The following MDGA2 variants were observed in gnomAD, a reference collection of about 807,000 sequenced individuals.
MDGA2 encodes the protein MAM domain containing glycosylphosphatidylinositol anchor 2, also known as MAM domain-containing glycosylphosphatidylinositol anchor protein 2.
MDGA2 carries 40 observed loss-of-function variants against 117.8 expected under a neutral mutation model. That is an observed-to-expected ratio of 0.34 (90% CI 0.26 to 0.44). The LOEUF (loss-of-function observed/expected upper bound fraction) is 0.44, where lower values mean the gene tolerates loss of function less well. Ranked by LOEUF, MDGA2 falls within the 20% of genes least tolerant of loss-of-function variation. The probability of loss-of-function intolerance (pLI) is 1.00; values close to 1 mark genes in which losing one functional copy is unlikely to be tolerated. For synonymous variants in MDGA2, 452 were observed against 439.0 expected (o/e 1.03, Z -0.37); for missense variants, 1,123 against 1,250.6 (o/e 0.90, Z 1.54).
chr14:47,604,678 A>G (rs1039082592), intron 1 of MDGA2, among the ~76,000 whole-genome samples: 3 of 151,958 alleles, frequency 2.0e-5, no homozygotes, highest in Non-Finnish European at 4.4e-5. Flanking sequence ...AAAGGACCAC[A>G]TATTCTTTGC....
chr14:47,052,738 T>C (rs756006170), intron 7 of MDGA2, among the ~76,000 whole-genome samples: 2 of 151,938 alleles, frequency 1.3e-5, no homozygotes, highest in Non-Finnish European at 2.9e-5. Flanking sequence ...ATTCATATAA[T>C]TGTCACCTTC....
At chr14:47,608,522 T>G (rs147626503) in intron 1 of MDGA2, among the ~76,000 whole-genome samples, 1 of 151,994 alleles carries the variant, frequency 6.6e-6, no homozygotes, top group Non-Finnish European at 1.5e-5. Context: ...TGAATGCACG[T>G]CCATATATGA....
intron 8 of MDGA2, among the ~76,000 whole-genome samples, chr14:47,013,668 A>G (rs1432160415): frequency 6.6e-6 from 1 of 150,852 alleles, no homozygotes; most frequent in Admixed American, 6.6e-5. Flanking sequence ...TAACCTTATA[A>G]AATGTATTAC....
chr14:47,201,164 C>A, intron 3 of MDGA2: 1 of 656,560 alleles, frequency 1.5e-6, no homozygotes, highest in South Asian at 1.5e-5. Flanking sequence ...TGCTAGTTTA[C>A]CTGCTCCATC....
Position 46,873,485 on chromosome 14 carries a change from T to G in MDGA2, c.2700A>C (p.Thr900=), listed in dbSNP as rs763463280. 1 of 1,612,556 alleles carries G rather than the reference T, an allele frequency of 6.2e-7. No homozygotes were observed. The highest frequency in any genetic ancestry group is 1.7e-5 in the Admixed American group (1 of 59,834). The part of the protein sequence containing the change: ...SIAPKNPYGP[T]NTAYCFSFFY... ...AGAAGCTGAAACAATATGCAGTGTT[T>G]GTGGGTCCATAAGGGTTTTTGGGAG... The change falls in exon 14 of 17, where the codon ACA becomes ACC. Residue 900 remains threonine (T), a synonymous_variant. Coordinates refer to ENST00000399232, the MANE Select transcript of MDGA2 (RefSeq NM_001113498.3).
intron 5 of MDGA2, among the ~76,000 whole-genome samples, chr14:47,104,210 C>CCCAAG (rs1433822163): frequency 6.6e-6 from 1 of 152,142 alleles, no homozygotes; most frequent in Non-Finnish European, 1.5e-5. Context: ...GGCCTCTGAG[C>CCCAAG]CCAAGCCAAG....
At chr14:47,094,694 A>G (rs536671542) in intron 6 of MDGA2, among the ~76,000 whole-genome samples, 1 of 152,164 alleles carries the variant, frequency 6.6e-6, no homozygotes, top group African/African-American at 2.4e-5. Context: ...TTATACTTCA[A>G]TACTTCAATG....
At chr14:47,087,392 C>T (rs1426801648) in intron 6 of MDGA2, among the ~76,000 whole-genome samples, 1 of 142,390 alleles carries the variant, frequency 7.0e-6, no homozygotes, top group Non-Finnish European at 1.5e-5. Context: ...TGGCGGGTGC[C>T]TGTAATCCCA....
intron 5 of MDGA2, among the ~76,000 whole-genome samples, chr14:47,098,262 A>G (rs553841772): frequency 4.5e-4 from 25 of 55,542 alleles, no homozygotes; most frequent in African/African-American, 1.6e-3. Context: ...GCCGTGTTTG[A>G]AAAAAAAAAA....
chr14:47,175,171 A>G (rs918804124), intron 3 of MDGA2, among the ~76,000 whole-genome samples: 7 of 151,290 alleles, frequency 4.6e-5, no homozygotes, highest in African/African-American at 1.5e-4. Flanking sequence ...CTTACCAACC[A>G]AAAAGAGTCC....
chr14:47,207,952 C>G (rs1361128971), intron 3 of MDGA2, among the ~76,000 whole-genome samples: 1 of 152,022 alleles, frequency 6.6e-6, no homozygotes, highest in Non-Finnish European at 1.5e-5. Flanking sequence ...ATTTTTCCCT[C>G]TATCAAGAGA....
At chr14:47,364,927 A>C (rs1456518127) in intron 1 of MDGA2, among the ~76,000 whole-genome samples, 1 of 152,222 alleles carries the variant, frequency 6.6e-6, no homozygotes, top group African/African-American at 2.4e-5. Context: ...GGTAAAATAG[A>C]ATTTCATGGT....
intron 2 of MDGA2, among the ~76,000 whole-genome samples, chr14:47,245,075 G>A (rs1274587966): frequency 1.3e-5 from 2 of 151,670 alleles, no homozygotes; most frequent in Admixed American, 6.6e-5. Flanking sequence ...CCAGGCTGGA[G>A]TGCAGTGGCA....
intron 2 of MDGA2, among the ~76,000 whole-genome samples, chr14:47,220,760 A>G (rs1886269103): frequency 1.3e-5 from 2 of 152,190 alleles, no homozygotes; most frequent in Admixed American, 6.5e-5. Context: ...GTTTGTCTTC[A>G]GCATTCTCAT....
intron 9 of MDGA2, among the ~76,000 whole-genome samples, chr14:46,932,002 G>A (rs1455367692): frequency 6.6e-6 from 1 of 152,024 alleles, no homozygotes; most frequent in African/African-American, 2.4e-5. Context: ...ATGGAATAAT[G>A]TGTGTGTACA....
At chr14:47,200,998 A>C (rs1885484568) in intron 3 of MDGA2, 1 of 853,664 alleles carries the variant, frequency 1.2e-6, no homozygotes, top group Non-Finnish European at 2.0e-6. Context: ...TTCGCAGCAT[A>C]CGACCACCAC....
chr14:47,003,759 A>T (rs935685030), intron 8 of MDGA2, among the ~76,000 whole-genome samples: 1 of 152,048 alleles, frequency 6.6e-6, no homozygotes, highest in African/African-American at 2.4e-5. Flanking sequence ...TTCAAACAGC[A>T]GAAGTTTATG....
intron 1 of MDGA2, among the ~76,000 whole-genome samples, chr14:47,494,961 G>A (rs143124902): frequency 2.8e-4 from 42 of 150,624 alleles, no homozygotes; most frequent in Admixed American, 8.0e-4. Flanking sequence ...ATATACACAC[G>A]TCACATTTTC....
intron 2 of MDGA2, among the ~76,000 whole-genome samples, chr14:47,255,487 C>G (rs1291001512): frequency 6.6e-6 from 1 of 152,156 alleles, no homozygotes; most frequent in Non-Finnish European, 1.5e-5. Context: ...TGTCCCTTGG[C>G]CCTATGCCTG....
Sources: gnomAD v4.1 joint callset for allele counts (sites outside exome capture counted in the v4.1 genomes callset) on GRCh38, gnomAD v4.1.1 for gene constraint, MANE v1.5 for transcripts, NCBI Gene and HGNC (gene_info 2026-07-23, HGNC 2026-07-21) for gene names.